Variants in RABGAP1L observed in about 807,000 individuals in gnomAD.
The protein encoded by RABGAP1L is RAB GTPase activating protein 1 like.
A neutral mutation model predicts 137.7 loss-of-function variants in RABGAP1L; 63 were observed. The observed-to-expected ratio is 0.46, with a 90% confidence interval of 0.37 to 0.56. RABGAP1L has a LOEUF of 0.56. Among genes scored for constraint, RABGAP1L ranks in the 20% least tolerant of loss-of-function variants. RABGAP1L has a pLI of 0.00. For synonymous variants in RABGAP1L, 431 were observed against 433.7 expected (o/e 0.99, Z 0.08); for missense variants, 1,095 against 1,244.0 (o/e 0.88, Z 1.80).
intron 1 of RABGAP1L, among the ~76,000 whole-genome samples, chr1:174,177,894 T>G (rs917566384): frequency 3.3e-5 from 5 of 152,206 alleles, no homozygotes; most frequent in African/African-American, 1.2e-4. Context: ...CCTTGTAGTA[T>G]AGTTTGAAGG....
At chr1:174,925,629 T>A (rs113492948) in intron 19 of RABGAP1L, among the ~76,000 whole-genome samples, 50 of 152,024 alleles carry the variant, frequency 3.3e-4, no homozygotes, top group Non-Finnish European at 3.7e-4. Flanking sequence ...TTATGAATCA[T>A]AGATGATGAG....
rs960723962 is a variant in RABGAP1L at position 174,978,897 on chromosome 1, T to C, written c.2733+7T>C. ...CATTGCTGAGTATAAACAGGTAATG[T>C]ACTTCTGTGGCACATAGAGCTAGTT... On this transcript the variant is annotated splice_region_variant and intron_variant, in intron 23 of 25. Transcript: ENST00000681986. The C allele has an allele frequency of 6.6e-7, 1 of 1,504,560 alleles. No homozygotes were observed. The highest frequency in any genetic ancestry group is 8.8e-7 in the Non-Finnish European group (1 of 1,130,046). 93.2% of individuals were successfully genotyped at this position (1,504,560 alleles called of 1,614,324 possible).
intron 19 of RABGAP1L, among the ~76,000 whole-genome samples, chr1:174,900,641 T>TGTAATC (rs1432065286): frequency 2.0e-5 from 3 of 152,172 alleles, no homozygotes; most frequent in African/African-American, 7.2e-5. Context: ...TGCCTCAGCC[T>TGTAATC]CCTGAGTAGC....
chr1:174,856,737 G>A (rs185882733), intron 19 of RABGAP1L, among the ~76,000 whole-genome samples: 233 of 152,102 alleles, frequency 1.5e-3, no homozygotes, highest in African/African-American at 5.3e-3. Context: ...AACCAGACTG[G>A]CCAACATGGA....
At chr1:174,716,792 C>T (rs1433576827) in intron 17 of RABGAP1L, among the ~76,000 whole-genome samples, 1 of 152,132 alleles carries the variant, frequency 6.6e-6, no homozygotes, top group African/African-American at 2.4e-5. Context: ...TTGAATAAAA[C>T]AATTTCCTGC....
Position 174,595,667 on chromosome 1 carries a change from G to A in RABGAP1L, c.1711-41708G>A, listed in dbSNP as rs557578834. Among the ~76,000 whole-genome samples, 146 of 148,628 alleles carry A rather than the reference G, an allele frequency of 9.8e-4. 2 individuals carry two copies. Among genetic ancestry groups the A allele is most frequent in the Admixed American group, 2.6e-3 (39 of 14,922 alleles). Reference sequence around the variant, plus strand: ...GGGCTGCCTCCCAGTTAGGCTGCTCGGGGGTCAGGGGTCAGGGACCCACTT... The same window carrying A: ...GGGCTGCCTCCCAGTTAGGCTGCTCAGGGGTCAGGGGTCAGGGACCCACTT... On this transcript the variant is annotated intron_variant, in intron 13 of 25. Transcript: ENST00000681986.
chr1:174,603,045 G>A (rs1670531874), intron 13 of RABGAP1L, among the ~76,000 whole-genome samples: 1 of 152,200 alleles, frequency 6.6e-6, no homozygotes, highest in Non-Finnish European at 1.5e-5. Flanking sequence ...TTAGGTATTT[G>A]TTTTATTGTT....
chr1:174,431,616 A>G (rs1023780106), intron 13 of RABGAP1L, among the ~76,000 whole-genome samples: 3 of 152,190 alleles, frequency 2.0e-5, no homozygotes, highest in African/African-American at 7.2e-5. Flanking sequence ...TCTAGAAAAT[A>G]AGGACAGCAA....
In RABGAP1L at chr1:174,937,619, A is replaced by AATATATATATATATAT. The variant is rs148901840; in HGVS notation, c.2341-19837_2341-19822dup. 2.5e-3 allele frequency among the ~76,000 whole-genome samples: 278 copies of AATATATATATATATAT among 109,642 alleles called. 26 individuals are homozygous for AATATATATATATATAT. Among genetic ancestry groups the AATATATATATATATAT allele is most frequent in the African/African-American group, 0.012 (239 of 19,912 alleles). 71.9% of individuals were successfully genotyped at this position (109,642 alleles called of 152,430 possible). A position where few individuals can be genotyped will look rare whatever the true frequency, so the allele number is the denominator to read the frequency against. Reference sequence around the variant, plus strand: ...ATTTTTAAATAGCAATACTTCATTAAATATATATATATATATCTTGCAGTT... The same window carrying AATATATATATATATAT: ...ATTTTTAAATAGCAATACTTCATTAAATATATATATATATATATATATATATATATATCTTGCAGTT... On this transcript the variant is annotated intron_variant, in intron 19 of 25. Coordinates refer to ENST00000681986, the MANE Select transcript of RABGAP1L (RefSeq NM_001366446.1).
chr1:174,841,585 C>T (rs1022947344), intron 19 of RABGAP1L, among the ~76,000 whole-genome samples: 36 of 151,592 alleles, frequency 2.4e-4, no homozygotes, highest in African/African-American at 8.7e-4. Flanking sequence ...ATAAATTAGA[C>T]AAAAATTGAT....
At chr1:174,619,488 C>T (rs561876286) in intron 13 of RABGAP1L, among the ~76,000 whole-genome samples, 1 of 152,096 alleles carries the variant, frequency 6.6e-6, no homozygotes, top group South Asian at 2.1e-4. Context: ...CAATATTCAA[C>T]ATTCTTAAAG....
At chr1:174,321,155 T>C (rs1679937248) in intron 11 of RABGAP1L, among the ~76,000 whole-genome samples, 1 of 152,148 alleles carries the variant, frequency 6.6e-6, no homozygotes, top group South Asian at 2.1e-4. Flanking sequence ...CCCAGGCCTA[T>C]TAGGATGAGG....
chr1:174,416,775 A>T (rs558723709), intron 13 of RABGAP1L, among the ~76,000 whole-genome samples: 1 of 152,144 alleles, frequency 6.6e-6, no homozygotes, highest in Non-Finnish European at 1.5e-5. Context: ...GAATTACTAT[A>T]TAAGAGAGTA....
intron 15 of RABGAP1L, among the ~76,000 whole-genome samples, chr1:174,696,598 T>G (rs1418892200): frequency 2.6e-5 from 4 of 152,172 alleles, no homozygotes; most frequent in South Asian, 2.1e-4. Context: ...GTCTGAATCC[T>G]TCCTTGTTGT....
chr1:174,745,231 A>G (rs1683776938), intron 17 of RABGAP1L, among the ~76,000 whole-genome samples: 2 of 152,200 alleles, frequency 1.3e-5, no homozygotes, highest in Non-Finnish European at 2.9e-5. Flanking sequence ...GCATGGGAGT[A>G]TAAGTATAAT....
chr1:174,877,652 A>C (rs774327821), intron 19 of RABGAP1L: 5 of 1,572,334 alleles, frequency 3.2e-6, no homozygotes, highest in Non-Finnish European at 4.4e-6. Context: ...TTTCTTTTCT[A>C]ACATGATATC....
intron 13 of RABGAP1L, among the ~76,000 whole-genome samples, chr1:174,599,371 C>T (rs974850048): frequency 1.3e-5 from 2 of 152,156 alleles, no homozygotes; most frequent in African/African-American, 2.4e-5. Context: ...AAGTAGTTTA[C>T]AGACCACTGT....
intron 19 of RABGAP1L, among the ~76,000 whole-genome samples, chr1:174,859,693 G>A (rs1197086708): frequency 6.6e-6 from 1 of 151,968 alleles, no homozygotes; most frequent in Non-Finnish European, 1.5e-5. Context: ...CTACCAGAGG[G>A]CAGAGGGTAG....
chr1:174,444,351 T>G (rs1315068618), intron 13 of RABGAP1L, among the ~76,000 whole-genome samples: 3 of 152,050 alleles, frequency 2.0e-5, no homozygotes, highest in Non-Finnish European at 4.4e-5. Context: ...AGTATTTTGT[T>G]AAGGATTTTT....
Sources: allele counts gnomAD v4.1 joint callset (sites outside exome capture counted in the v4.1 genomes callset), GRCh38; gene constraint gnomAD v4.1.1; transcripts MANE v1.5; gene names NCBI Gene and HGNC (gene_info 2026-07-23, HGNC 2026-07-21).